SCARB1: variants seen among roughly 807,000 people sequenced by gnomAD.
SCARB1 encodes scavenger receptor class B member 1, also known as CD36 and LIMPII analogous 1.
In SCARB1, 30 loss-of-function variants were observed where a neutral mutation model predicts 57.2. The observed-to-expected ratio is 0.52, with a 90% CI of 0.39 to 0.71. The LOEUF (loss-of-function observed/expected upper bound fraction) is 0.71, where lower values mean the gene tolerates loss of function less well. SCARB1 is among the 30% of genes least tolerant of loss of function. The pLI is 0.00. For synonymous variants in SCARB1, 249 were observed against 268.3 expected, an observed-to-expected ratio of 0.93 and a Z score of 0.70; for missense variants, 543 against 671.2, an observed-to-expected ratio of 0.81 and a Z score of 2.11.
At chr12:124,820,166 A>G (rs982335470) in intron 1 of SCARB1, among the ~76,000 whole-genome samples, 5 of 152,278 alleles carry the variant, frequency 3.3e-5, no homozygotes, top group African/African-American at 9.6e-5. Flanking sequence ...AGGCGCATAA[A>G]CTGAATATTA....
chr12:124,836,901 G>A (rs2135765607), intron 1 of SCARB1, among the ~76,000 whole-genome samples: 1 of 152,256 alleles, frequency 6.6e-6, no homozygotes, highest in East Asian at 1.9e-4. Flanking sequence ...TTGCCCAAGA[G>A]CACAAACCCA....
chr12:124,786,759 A>C (rs748035042), intron 10 of SCARB1, among the ~76,000 whole-genome samples: 1 of 152,188 alleles, frequency 6.6e-6, no homozygotes, highest in East Asian at 1.9e-4. Flanking sequence ...ACCTGGCCTC[A>C]CGTGACTCTC....
intron 7 of SCARB1, among the ~76,000 whole-genome samples, chr12:124,804,331 A>T (rs930333141): frequency 6.6e-6 from 1 of 152,236 alleles, no homozygotes; most frequent in Admixed American, 6.5e-5. Flanking sequence ...CAGGAGGGAG[A>T]GCCTGCTTGG....
chr12:124,831,485 G>A (rs11057839), intron 1 of SCARB1, among the ~76,000 whole-genome samples: 3 of 151,952 alleles, frequency 2.0e-5, no homozygotes, highest in Non-Finnish European at 2.9e-5. Context: ...AAGTGGTGTC[G>A]CTAATAAGAG....
chr12:124,853,861 C>A (rs537157360), intron 1 of SCARB1, among the ~76,000 whole-genome samples: 3 of 152,176 alleles, frequency 2.0e-5, no homozygotes, highest in African/African-American at 7.2e-5. Flanking sequence ...GAGGAGTAGG[C>A]CCCATTGCCC....
intron 1 of SCARB1, among the ~76,000 whole-genome samples, chr12:124,843,977 T>C (rs562570268): frequency 2.6e-5 from 4 of 152,278 alleles, no homozygotes; most frequent in African/African-American, 9.6e-5. Context: ...TGAACAGCAG[T>C]GGCCCTTCTG....
chr12:124,827,794 C>T (rs572877679), intron 1 of SCARB1, among the ~76,000 whole-genome samples: 1 of 152,310 alleles, frequency 6.6e-6, no homozygotes, highest in South Asian at 2.1e-4. Context: ...CCCTAAAACT[C>T]CTGACCTCCC....
At chr12:124,803,915 T>C (rs1176865867) in intron 7 of SCARB1, among the ~76,000 whole-genome samples, 1 of 152,064 alleles carries the variant, frequency 6.6e-6, no homozygotes, top group African/African-American at 2.4e-5. Context: ...AAAAACTCTA[T>C]TTAAATAAAG....
chr12:124,801,799 T>C (rs186209648), intron 7 of SCARB1, among the ~76,000 whole-genome samples: 15 of 151,534 alleles, frequency 9.9e-5, no homozygotes, highest in African/African-American at 2.9e-4. Context: ...TAAGCCAAGA[T>C]TGCACCAATG....
rs1950355074 is a variant in SCARB1, at chr12:124,807,274, T to G, written c.1009+487A>C. ...GGAGAGCACGATGTGGTCTTAAGGGTCCTTAGAACTGGAAGAGGGGGCAGA... is the reference window on the plus strand; with the variant it reads ...GGAGAGCACGATGTGGTCTTAAGGGGCCTTAGAACTGGAAGAGGGGGCAGA... On this transcript the variant is annotated intron_variant, in intron 7 of 12. Coordinates refer to ENST00000261693, the MANE Select transcript of SCARB1 (RefSeq NM_005505.5). This position sits in a 1 kb window ranked among gnomAD's most constrained non-coding sequence, Gnocchi z 5.3. 6.6e-6 allele frequency among the ~76,000 whole-genome samples: 1 copy of G among 151,774 alleles called. No homozygotes were observed. Among genetic ancestry groups the G allele is most frequent in the Non-Finnish European group, 1.5e-5 (1 of 67,964 alleles).
At chr12:124,857,046 A>C (rs1952664571) in intron 1 of SCARB1, among the ~76,000 whole-genome samples, 1 of 152,116 alleles carries the variant, frequency 6.6e-6, no homozygotes, top group Non-Finnish European at 1.5e-5. Flanking sequence ...CCAGGAAGAG[A>C]ATATAAGAAG....
Position 124,812,344 on chromosome 12 carries a change from C to T in SCARB1, c.631-379G>A. Among the ~76,000 whole-genome samples, 1 of 152,194 alleles carries T rather than the reference C, an allele frequency of 6.6e-6. No individual in the cohort carries two copies. ...GTCACTTGGGGGGATGCTTTAAGGA[C>T]TGTGCACACGCCTTTCACCGGGCTC... is the stretch of plus-strand genomic sequence containing the variant. On this transcript the variant is annotated intron_variant, in intron 4 of 12. Coordinates refer to ENST00000261693, the MANE Select transcript of SCARB1 (RefSeq NM_005505.5). The surrounding 1 kb of genome is among the most constrained non-coding windows in gnomAD (Gnocchi z 4.3).
intron 12 of SCARB1, among the ~76,000 whole-genome samples, chr12:124,779,725 G>A (rs1180464306): frequency 1.3e-5 from 2 of 152,006 alleles, no homozygotes; most frequent in South Asian, 4.2e-4. Flanking sequence ...CTTGCCCTGA[G>A]CAACAGAGGC....
At chr12:124,798,158 C>T (rs1358024306) in intron 8 of SCARB1, among the ~76,000 whole-genome samples, 1 of 152,252 alleles carries the variant, frequency 6.6e-6, no homozygotes, top group African/African-American at 2.4e-5. Context: ...CGCCTGGAAT[C>T]CCAGCACTTT....
chr12:124,824,363 G>T (rs1264863570), intron 1 of SCARB1, among the ~76,000 whole-genome samples: 3 of 152,170 alleles, frequency 2.0e-5, no homozygotes, highest in African/African-American at 7.2e-5. Context: ...GCAGATTGGT[G>T]GTTGCCAGGG....
At chr12:124,815,185 A>G (rs1950663057) in intron 2 of SCARB1, 71 bp from the exon 3 acceptor site, 1 of 1,562,676 alleles carries the variant, frequency 6.4e-7, no homozygotes, top group South Asian at 1.1e-5. Context: ...CTCGCCTGCA[A>G]TGCCTGCCTG....
At chr12:124,830,500 A>T (rs4765618) in intron 1 of SCARB1, among the ~76,000 whole-genome samples, 2 of 151,994 alleles carry the variant, frequency 1.3e-5, no homozygotes, top group African/African-American at 2.4e-5. Context: ...TGCTACCCAG[A>T]GACAAAAGGG....
rs763943733 is a variant in SCARB1, at chr12:124,817,712, A to G, written c.127-5T>C. On this transcript the variant is annotated splice_region_variant and splice_polypyrimidine_tract_variant and intron_variant, in intron 1 of 12. Transcript: ENST00000261693. This position sits in a 1 kb window ranked among gnomAD's most constrained non-coding sequence, Gnocchi z 4.8. ...ACTGGGGTCGATGCGCACGTTCTGC[A>G]GGGGAAGGGACAAGTACGCTTGTGA... is the stretch of plus-strand genomic sequence containing the variant. 6.2e-7 allele frequency: 1 copy of G among 1,614,108 alleles called. No homozygotes were observed. The highest frequency in any genetic ancestry group is 8.5e-7 in the Non-Finnish European group (1 of 1,180,000).
At chr12:124,809,455 A>G (rs1293194435) in intron 6 of SCARB1, among the ~76,000 whole-genome samples, 1 of 152,170 alleles carries the variant, frequency 6.6e-6, no homozygotes, top group African/African-American at 2.4e-5. Context: ...AAAAACTTAA[A>G]ATAGTAAAAA....
Sources: gnomAD v4.1 joint callset for allele counts (sites outside exome capture counted in the v4.1 genomes callset) on GRCh38, gnomAD v4.1.1 for gene constraint, Gnocchi (gnomAD v3.1) non-coding constraint, MANE v1.5 for transcripts, NCBI Gene and HGNC (gene_info 2026-07-23, HGNC 2026-07-21) for gene names.